ANKRD45: variants seen among roughly 807,000 people sequenced by gnomAD.
ANKRD45 encodes the protein ankyrin repeat domain 45.
ANKRD45 carries 21 observed loss-of-function variants against 28.1 expected under a neutral mutation model. The observed-to-expected ratio is 0.75, with a 90% CI of 0.53 to 1.08. The LOEUF (loss-of-function observed/expected upper bound fraction) is 1.08, where lower values mean the gene tolerates loss of function less well. Ranked by LOEUF, ANKRD45 falls within the 50% of genes least tolerant of loss-of-function variation. The pLI is 0.00. For missense variants in ANKRD45, 261 were observed against 308.7 expected, an observed-to-expected ratio of 0.85 and a Z score of 1.16; for synonymous variants, 86 against 103.9, an observed-to-expected ratio of 0.83 and a Z score of 1.05.
the ANKRD45 span, among the ~76,000 whole-genome samples, chr1:173,710,990 T>C: frequency 6.6e-6 from 1 of 151,840 alleles, no homozygotes; most frequent in Non-Finnish European, 1.5e-5. Flanking sequence ...GGGTAACAGA[T>C]TGAGACCCTA....
At chr1:173,643,407 AT>A (rs1310399005) in intron 3 of ANKRD45, among the ~76,000 whole-genome samples, 2 of 151,924 alleles carry the variant, frequency 1.3e-5, no homozygotes, top group Non-Finnish European at 1.5e-5. Flanking sequence ...TTCTGACCTC[AT>A]GATCCACCTG....
chr1:173,647,303 T>C (rs1011573634), intron 2 of ANKRD45, among the ~76,000 whole-genome samples: 2 of 152,344 alleles, frequency 1.3e-5, no homozygotes, highest in South Asian at 2.1e-4. Context: ...CAGCATAGAC[T>C]GTCTGAAGGC....
chr1:173,633,514 A>G (rs891417323), intron 3 of ANKRD45, among the ~76,000 whole-genome samples: 1 of 152,080 alleles, frequency 6.6e-6, no homozygotes, highest in African/African-American at 2.4e-5. Context: ...TTATGGAACC[A>G]CAAAAGCCCC....
At chr1:173,613,336 G>A (rs1240976336) in intron 5 of ANKRD45, among the ~76,000 whole-genome samples, 2 of 151,306 alleles carry the variant, frequency 1.3e-5, no homozygotes, top group Non-Finnish European at 2.9e-5. Flanking sequence ...TCTGAGAAGC[G>A]AGGAGCCCCT....
intron 3 of ANKRD45, among the ~76,000 whole-genome samples, chr1:173,641,361 C>G (rs1668692670): frequency 1.3e-5 from 2 of 152,200 alleles, no homozygotes; most frequent in Admixed American, 1.3e-4. Flanking sequence ...AATCCCACTG[C>G]TTGGGATAAT....
chr1:173,640,270 G>A (rs1231081799), intron 3 of ANKRD45, among the ~76,000 whole-genome samples: 1 of 151,766 alleles, frequency 6.6e-6, no homozygotes. Context: ...AGGTCTCTTA[G>A]CACAGGCCAC....
chr1:173,620,742 A>T (rs190018873), intron 5 of ANKRD45, among the ~76,000 whole-genome samples: 168 of 148,036 alleles, frequency 1.1e-3, no homozygotes, highest in African/African-American at 3.4e-3. Flanking sequence ...TTAAAGTATA[A>T]AAAAAAAAAG....
At chr1:173,655,490 C>T (rs1398406433) in intron 2 of ANKRD45, among the ~76,000 whole-genome samples, 4 of 152,198 alleles carry the variant, frequency 2.6e-5, no homozygotes, top group East Asian at 1.9e-4. Context: ...CTGGAAGCTT[C>T]GTCCCAGAGG....
At position 173,608,502 on chromosome 1, in the gene ANKRD45, A is replaced by G. The variant is rs555832335; in HGVS notation, c.*1643T>C. ...ACAGCTAAATTTTTGTATTTTTAGTAGAGACAGGGTTTCACCATGTTGGCC... is the reference window on the plus strand; with the variant it reads ...ACAGCTAAATTTTTGTATTTTTAGTGGAGACAGGGTTTCACCATGTTGGCC... On this transcript the variant is annotated 3_prime_UTR_variant, in exon 6 of 6. Transcript: ENST00000333279. Among the ~76,000 whole-genome samples, 6 of 152,090 alleles carry G rather than the reference A, an allele frequency of 3.9e-5. No individual in the cohort carries two copies. The East Asian group carries it at 1.2e-3, about 30-fold the overall frequency.
At chr1:173,645,243 C>A (rs1668872727) in intron 3 of ANKRD45, among the ~76,000 whole-genome samples, 1 of 152,162 alleles carries the variant, frequency 6.6e-6, no homozygotes, top group Non-Finnish European at 1.5e-5. Context: ...TTCCTTGTTT[C>A]TATCAATTAT....
intron 2 of ANKRD45, chr1:173,657,847 T>C (rs1286353905): frequency 6.6e-6 from 1 of 151,880 alleles, no homozygotes; most frequent in African/African-American, 2.4e-5. Context: ...TTGTTCTTTT[T>C]CTAATTTCTT....
At position 173,665,807 on chromosome 1, in the gene ANKRD45, G is replaced by A. The variant is rs183199964; in HGVS notation, c.-16+4010C>T. 3.6e-3 allele frequency among the ~76,000 whole-genome samples: 540 copies of A among 152,086 alleles called. 2 individuals carry two copies. The highest frequency in any genetic ancestry group is 0.012 in the African/African-American group (507 of 41,484). ...GTGGATCACTTGAGTTCAGGAGTTC[G>A]AGACCAGCTTGGGCAACACAGCGAA... On this transcript the variant is annotated intron_variant, in intron 1 of 5. Coordinates refer to ENST00000333279, the MANE Select transcript of ANKRD45 (RefSeq NM_198493.3).
intron 3 of ANKRD45, among the ~76,000 whole-genome samples, chr1:173,645,843 G>A (rs1030616451): frequency 6.6e-6 from 1 of 152,106 alleles, no homozygotes. Flanking sequence ...AGCCCAACAT[G>A]CTCTGACTTC....
At chr1:173,713,396 TA>T in the ANKRD45 span, among the ~76,000 whole-genome samples, 4 of 152,296 alleles carry the variant, frequency 2.6e-5, no homozygotes, top group Admixed American at 2.6e-4. Context: ...ACATTTAGTT[TA>T]ATAGTTTAAA....
intron 3 of ANKRD45, chr1:173,635,277 T>C: frequency 5.0e-6 from 2 of 397,560 alleles, no homozygotes; most frequent in Non-Finnish European, 9.0e-6. Flanking sequence ...TCACTGAACT[T>C]ATCCCTGAGT....
chr1:173,627,704 G>A (rs1422415410), intron 3 of ANKRD45, among the ~76,000 whole-genome samples: 1 of 152,020 alleles, frequency 6.6e-6, no homozygotes, highest in Non-Finnish European at 1.5e-5. Context: ...TAGGCCACGA[G>A]GGCTGCAATT....
intron 3 of ANKRD45, among the ~76,000 whole-genome samples, chr1:173,631,181 C>T (rs1408310497): frequency 6.6e-6 from 1 of 152,014 alleles, no homozygotes; most frequent in Admixed American, 6.6e-5. Flanking sequence ...AGTACACTTA[C>T]ATCAGGCAAA....
the ANKRD45 span, among the ~76,000 whole-genome samples, chr1:173,679,132 T>A: frequency 6.6e-6 from 1 of 152,200 alleles, no homozygotes; most frequent in Non-Finnish European, 1.5e-5. Context: ...CAAAGTAATT[T>A]ATAGATTCAA....
chr1:173,703,697 C>A, the ANKRD45 span, among the ~76,000 whole-genome samples: 1 of 152,212 alleles, frequency 6.6e-6, no homozygotes, highest in African/African-American at 2.4e-5. Context: ...TGGAGAATTT[C>A]CTCTCACCTC....
Sources: gnomAD v4.1 joint callset for allele counts (sites outside exome capture counted in the v4.1 genomes callset) on GRCh38, gnomAD v4.1.1 for gene constraint, MANE v1.5 for transcripts, NCBI Gene and HGNC (gene_info 2026-07-23, HGNC 2026-07-21) for gene names.